Variants in STAP2 observed in about 807,000 individuals in gnomAD.
STAP2 encodes the protein signal transducing adaptor family member 2.
Under a neutral mutation model 52.7 loss-of-function variants are expected in STAP2, and 58 were observed. That is an observed-to-expected ratio of 1.10 (90% confidence interval 0.89 to 1.37). The LOEUF (loss-of-function observed/expected upper bound fraction) is 1.37. STAP2 is among the 40% of genes most tolerant of loss of function. STAP2 has a pLI of 0.00. For missense variants in STAP2, 522 were observed against 519.4 expected, an observed-to-expected ratio of 1.00 and a Z score of -0.05; for synonymous variants, 231 against 210.5, an observed-to-expected ratio of 1.10 and a Z score of -0.84.
chr19:4,333,658 C>T (rs1324331806), intron 3 of STAP2, 36 bp downstream of exon 3: 6 of 1,584,960 alleles, frequency 3.8e-6, no homozygotes, highest in Non-Finnish European at 5.1e-6. Flanking sequence ...CTTCTGCAAG[C>T]ACCGCCCCTC....
In STAP2 at chr19:4,324,212, C is replaced by T. The variant is rs1183699163; in HGVS notation, c.1148-15G>A. ...GTCTGCCAGCCCTGGGGGTTCAGGA[C>T]CAGGAGCTGCAGCTGGCTCAGGGAT... On this transcript the variant is annotated splice_polypyrimidine_tract_variant and intron_variant, in intron 12 of 12. Transcript: ENST00000594605. 6.4e-7 allele frequency: 1 copy of T among 1,550,402 alleles called. No individual in the cohort carries two copies. Among genetic ancestry groups the T allele is most frequent in the Non-Finnish European group, 8.7e-7 (1 of 1,146,926 alleles).
At chr19:4,327,276 C>G (rs555197098) in intron 7 of STAP2, 40 bp downstream of exon 7, 1 of 1,613,808 alleles carries the variant, frequency 6.2e-7, no homozygotes, top group Non-Finnish European at 8.5e-7. Flanking sequence ...GGACGCGGAC[C>G]CCACAAAGTC....
chr19:4,332,071 G>A lies in STAP2; in HGVS notation c.305C>T (p.Thr102Ile). 2 of 1,611,592 alleles carry A rather than the reference G, an allele frequency of 1.2e-6. No individual in the cohort carries two copies. Among genetic ancestry groups the A allele is most frequent in the South Asian group, 2.2e-5 (2 of 90,436 alleles). ...TTTCCACATTTCCCGACACTCCAAG[G>A]TCTCTACCTGGGGAACAAAAGAAAG... is the stretch of plus-strand genomic sequence containing the variant. ...RDQEIKFKVE[T>I]LECREMWKGF... Residue 102 changes from threonine (T) to isoleucine (I), a missense_variant, in exon 4 of 13, where the codon ACC becomes ATC. Thr to Ile is a moderately conservative substitution (Grantham distance 89). Coordinates refer to ENST00000594605, the MANE Select transcript of STAP2 (RefSeq NM_001013841.2).
chr19:4,331,907 G>C (rs1971897130), intron 4 of STAP2, 115 bp downstream of exon 4: 1 of 1,097,472 alleles, frequency 9.1e-7, no homozygotes, highest in Non-Finnish European at 1.3e-6. Flanking sequence ...ACTCCAGCCT[G>C]GGCGACAGAG....
intron 5 of STAP2, among the ~76,000 whole-genome samples, chr19:4,329,515 C>T (rs1239666606): frequency 6.6e-6 from 1 of 151,956 alleles, no homozygotes; most frequent in African/African-American, 2.4e-5. Context: ...CCTCCAAACA[C>T]CTAGACCTTA....
chr19:4,332,078 C>T lies in STAP2; in HGVS notation c.298G>A (p.Val100Ile). The change falls in exon 4 of 13, where the codon GTA becomes ATA. Residue 100 changes from valine to isoleucine, a missense_variant and splice_region_variant. Transcript: ENST00000594605. ...ILRDQEIKFK[V>I]ETLECREMWK... The stretch of plus-strand genomic sequence containing the variant: ...ATTTCCCGACACTCCAAGGTCTCTA[C>T]CTGGGGAACAAAAGAAAGGAAAGAA... 1 of 1,609,910 alleles carries T rather than the reference C, an allele frequency of 6.2e-7. No individual in the cohort carries two copies. The highest frequency in any genetic ancestry group is 1.7e-4 in the Middle Eastern group (1 of 6,056).
At chr19:4,332,196 C>CTTT (rs58828365) in intron 3 of STAP2, 118 bp from the exon 4 acceptor site, 45 of 240,676 alleles carry the variant, frequency 1.9e-4, no homozygotes, top group Middle Eastern at 3.0e-3. Context: ...TCTTTTTCTT[C>CTTT]TTTTTTTTTT....
At chr19:4,333,896 C>T in intron 2 of STAP2, 77 bp downstream of exon 2, 13 of 1,612,350 alleles carry the variant, frequency 8.1e-6, no homozygotes, top group Non-Finnish European at 1.0e-5. Flanking sequence ...GCCACCTTGA[C>T]CACACCATCT....
At chr19:4,334,839 A>ATCCATCCATCCACCCATCCATCCATCCG (rs2144793689) in intron 1 of STAP2, among the ~76,000 whole-genome samples, 2 of 44,502 alleles carry the variant, frequency 4.5e-5, no homozygotes, top group East Asian at 6.5e-4. Flanking sequence ...CCACCCACTC[A>ATCCATCCATCCACCCATCCATCCATCCG]TCCATCCATC....
At chr19:4,336,400 C>T (rs1229614096) in intron 1 of STAP2, among the ~76,000 whole-genome samples, 2 of 140,624 alleles carry the variant, frequency 1.4e-5, no homozygotes, top group Non-Finnish European at 3.0e-5. Context: ...CTCACTGCAA[C>T]CCCCCCGCCC....
chr19:4,327,542 A>G (rs888934577), intron 6 of STAP2, among the ~76,000 whole-genome samples, 157 bp from the exon 7 acceptor site: 1 of 147,232 alleles, frequency 6.8e-6, no homozygotes, highest in Admixed American at 6.8e-5. Context: ...GTTCCACCCC[A>G]TAAAGGACCT....
intron 3 of STAP2, 88 bp downstream of exon 3, chr19:4,333,606 C>G (rs1971927458): frequency 6.7e-7 from 1 of 1,503,164 alleles, no homozygotes; most frequent in Non-Finnish European, 8.8e-7. Flanking sequence ...ACTACCTGCC[C>G]CTTCGTGGTT....
At chr19:4,328,047 C>T (rs11878837) in intron 6 of STAP2, 8,692 of 159,948 alleles carry the variant, frequency 0.054, 309 homozygotes, top group Admixed American at 0.089. Context: ...GCGTACCTGA[C>T]GTTCCGGAGG....
At chr19:4,325,968 C>CA (rs78798425) in intron 9 of STAP2, among the ~76,000 whole-genome samples, 6,005 of 127,744 alleles carry the variant, frequency 0.047, 130 homozygotes, top group Middle Eastern at 0.13. Flanking sequence ...GACTCCATCT[C>CA]AAAAAAAAAA....
chr19:4,330,873 C>A (rs1219834215), intron 4 of STAP2, among the ~76,000 whole-genome samples: 3 of 151,788 alleles, frequency 2.0e-5, no homozygotes, highest in African/African-American at 7.2e-5. Flanking sequence ...CGCCACCACG[C>A]CCAGCTGATT....
At chr19:4,329,938 C>T in intron 5 of STAP2, 23 bp downstream of exon 5, 3 of 1,608,240 alleles carry the variant, frequency 1.9e-6, no homozygotes, top group South Asian at 1.1e-5. Context: ...CCTGCAGCCC[C>T]TCGGGACAGG....
At chr19:4,338,548 A>ACCCCCCCCCCCCCC in intron 1 of STAP2, 104 bp downstream of exon 1, 1 of 527,402 alleles carries the variant, frequency 1.9e-6, no homozygotes, top group Non-Finnish European at 3.4e-6. Flanking sequence ...CCCATCCAGC[A>ACCCCCCCCCCCCCC]CCCACCCCGC....
chr19:4,338,582 A>AT, intron 1 of STAP2, 70 bp downstream of exon 1: 1 of 809,352 alleles, frequency 1.2e-6, no homozygotes, highest in Non-Finnish European at 1.8e-6. Flanking sequence ...GTGGGGAGAC[A>AT]GGGACTCAGA....
chr19:4,326,678 C>T (rs150051775), intron 9 of STAP2, among the ~76,000 whole-genome samples: 446 of 152,204 alleles, frequency 2.9e-3, no homozygotes, highest in African/African-American at 0.01. Context: ...GAACTCTAGG[C>T]GCCTCCCCCG....
Sources: allele counts gnomAD v4.1 joint callset (sites outside exome capture counted in the v4.1 genomes callset), GRCh38; gene constraint gnomAD v4.1.1; transcripts MANE v1.5; gene names NCBI Gene and HGNC (gene_info 2026-07-23, HGNC 2026-07-21).